Variants in TUBB8B observed in about 807,000 individuals in gnomAD.
TUBB8B encodes the protein tubulin beta 8B.
Under a neutral mutation model 31.9 loss-of-function variants are expected in TUBB8B, and 26 were observed. The observed-to-expected ratio is 0.81, with a 90% CI of 0.60 to 1.13. TUBB8B has a LOEUF of 1.13. TUBB8B is among the 50% of genes most tolerant of loss of function. The pLI, the probability that TUBB8B is intolerant of heterozygous loss-of-function variation, is 0.00. For synonymous variants in TUBB8B, 173 were observed against 231.0 expected, an observed-to-expected ratio of 0.75 and a Z score of 2.28; for missense variants, 467 against 586.7, an observed-to-expected ratio of 0.80 and a Z score of 2.11.
the TUBB8B span, among the ~76,000 whole-genome samples, chr18:63,592 C>A: frequency 2.6e-5 from 4 of 151,686 alleles, no homozygotes; most frequent in African/African-American, 9.7e-5. Flanking sequence ...GACAACTTGG[C>A]TACCATATAA....
upstream of TUBB8B, among the ~76,000 whole-genome samples, chr18:52,225 G>A (rs1183343509): frequency 3.1e-3 from 475 of 151,912 alleles, 5 homozygotes; most frequent in Non-Finnish European, 4.9e-3. Flanking sequence ...GAGGATTGCT[G>A]AGGAAAGTAA....
chr18:59,449 T>C, the TUBB8B span, among the ~76,000 whole-genome samples: 4 of 151,726 alleles, frequency 2.6e-5, no homozygotes, highest in African/African-American at 9.7e-5. Context: ...GTTCATTCCA[T>C]ACCAGTTTTC....
Position 48,996 on chromosome 18 carries a change from T to C in TUBB8B, c.221A>G (p.Asp74Gly), listed in dbSNP as rs767785913. 210 of 1,608,856 alleles carry C rather than the reference T, an allele frequency of 1.3e-4. 3 individuals carry two copies. The highest frequency in any genetic ancestry group is 1.7e-4 in the Non-Finnish European group (206 of 1,178,000). ...CCCGAAGGGCCCCGAGTGCACAGAGTCCATGGTGCCCGGCTCCAGATCCAC... is the reference window on the plus strand; with the variant it reads ...CCCGAAGGGCCCCGAGTGCACAGAGCCCATGGTGCCCGGCTCCAGATCCAC... ...VLVDLEPGTM[D>G]SVHSGPFGQV... The change falls in exon 3 of 4, where the codon GAC (aspartate) becomes GGC (glycine). Residue 74 changes from aspartate to glycine, a missense_variant. Physicochemically the swap from Asp to Gly is moderately conservative, Grantham distance 94. Around this residue, in one of 2 missense-constraint regions of TUBB8B, gnomAD observed 259 missense variants for 380.1 expected, o/e 0.68. Coordinates refer to ENST00000308911, the MANE Select transcript of TUBB8B (RefSeq NM_001358689.2).
chr18:48,821 G>A (rs932290857), intron 3 of TUBB8B, 119 bp downstream of exon 3: 21 of 788,874 alleles, frequency 2.7e-5, no homozygotes, highest in East Asian at 7.8e-5. Flanking sequence ...TCGACTCGGC[G>A]GATAGGAGGG....
upstream of TUBB8B, among the ~76,000 whole-genome samples, chr18:53,032 C>G (rs1409469661): frequency 6.6e-6 from 1 of 151,888 alleles, no homozygotes; most frequent in East Asian, 1.9e-4. Context: ...GACATTTATA[C>G]ATTTTTCAGG....
chr18:57,407 G>A, the TUBB8B span, among the ~76,000 whole-genome samples: 1 of 151,838 alleles, frequency 6.6e-6, no homozygotes, highest in African/African-American at 2.4e-5. Context: ...ATACAAGTCT[G>A]AAGCCCAGAA....
chr18:50,107 C>G, upstream of TUBB8B: 2 of 356,078 alleles, frequency 5.6e-6, no homozygotes, highest in Non-Finnish European at 1.1e-5. Context: ...TCTGATTTAG[C>G]TGGAGTCTTC....
At chr18:72,595 T>G in the TUBB8B span, among the ~76,000 whole-genome samples, 2 of 152,142 alleles carry the variant, frequency 1.3e-5, no homozygotes, top group Non-Finnish European at 2.9e-5. Flanking sequence ...TTGAGTGCAG[T>G]GGCATGACCA....
chr18:70,986 G>A, the TUBB8B span, among the ~76,000 whole-genome samples: 1 of 150,468 alleles, frequency 6.6e-6, no homozygotes, highest in Non-Finnish European at 1.5e-5. Context: ...AGTGGCTCAT[G>A]CCTGTAATCC....
the TUBB8B span, among the ~76,000 whole-genome samples, chr18:63,459 C>T: frequency 6.6e-6 from 1 of 151,428 alleles, no homozygotes; most frequent in Non-Finnish European, 1.5e-5. Flanking sequence ...TCTTTCTGTG[C>T]TAAGCCATGT....
chr18:52,129 G>C (rs1045502836), upstream of TUBB8B, among the ~76,000 whole-genome samples: 2 of 151,878 alleles, frequency 1.3e-5, no homozygotes, highest in Non-Finnish European at 2.9e-5. Flanking sequence ...AAAACCTGTA[G>C]GTGCTGTTCT....
In TUBB8B at chr18:47,335, A is replaced by T; in HGVS notation, c.*55T>A. The T allele has an allele frequency of 1.6e-6, 1 of 634,768 alleles. No homozygotes were observed. Among genetic ancestry groups the T allele is most frequent in the Non-Finnish European group, 2.8e-6 (1 of 362,180 alleles). The allele number at this position is 634,768 out of a possible 1,614,324, so 39.3% of individuals were successfully genotyped here. ...AAGCGTATAGTGACACATGGCTGTC[A>T]GAACACAGTAAAGAATCCACACTGC... On this transcript the variant is annotated 3_prime_UTR_variant, in exon 4 of 4. Coordinates refer to ENST00000308911, the MANE Select transcript of TUBB8B (RefSeq NM_001358689.2).
chr18:62,655 T>C, the TUBB8B span, among the ~76,000 whole-genome samples: 1 of 151,750 alleles, frequency 6.6e-6, no homozygotes, highest in Non-Finnish European at 1.5e-5. Flanking sequence ...TCTCTTGACC[T>C]TGTGATCCAC....
At chr18:71,492 A>G in the TUBB8B span, among the ~76,000 whole-genome samples, 8 of 149,194 alleles carry the variant, frequency 5.4e-5, no homozygotes, top group Admixed American at 4.1e-4. Flanking sequence ...GGTTGCAGCG[A>G]GCGAAGATTG....
chr18:50,776 T>A (rs938147704), upstream of TUBB8B, among the ~76,000 whole-genome samples: 7 of 152,076 alleles, frequency 4.6e-5, no homozygotes, highest in Non-Finnish European at 1.0e-4. Flanking sequence ...GCCCACAAGC[T>A]TCATTGGCCC....
At chr18:63,543 T>A in the TUBB8B span, among the ~76,000 whole-genome samples, 1 of 151,584 alleles carries the variant, frequency 6.6e-6, no homozygotes, top group African/African-American at 2.4e-5. Flanking sequence ...ACACTTGAAG[T>A]AGGCATAGAA....
At chr18:71,027 C>G in the TUBB8B span, among the ~76,000 whole-genome samples, 1,279 of 151,838 alleles carry the variant, frequency 8.4e-3, 6 homozygotes, top group Non-Finnish European at 0.013. Flanking sequence ...GTGTAAGAAT[C>G]ACTTGAGCCC....
Position 48,482 on chromosome 18 carries a change from G to C in TUBB8B, c.278-35C>G, listed in dbSNP as rs754982105. On this transcript the variant is annotated intron_variant, in intron 3 of 3. Transcript: ENST00000308911. ...AGCACAGCCGGTCACTCGACGGCCA[G>C]GTATACGGTCATCAGTGGTCACCAC... 6 of 1,111,960 alleles carry C rather than the reference G, an allele frequency of 5.4e-6. No individual in the cohort carries two copies. In the Admixed American group the frequency reaches 1.1e-4, roughly 20 times the overall value. The allele number at this position is 1,111,960 out of a possible 1,614,324, so 68.9% of individuals were successfully genotyped here.
the TUBB8B span, among the ~76,000 whole-genome samples, chr18:61,438 T>A: frequency 5.9e-5 from 9 of 151,784 alleles, no homozygotes; most frequent in South Asian, 1.2e-3. Context: ...ATTTAGTTCA[T>A]GTACATTCAA....
Sources: gnomAD v4.1 joint callset for allele counts (sites outside exome capture counted in the v4.1 genomes callset) on GRCh38, gnomAD v4.1.1 for gene constraint, gnomAD v4.1.1 regional missense constraint, MANE v1.5 for transcripts, NCBI Gene and HGNC (gene_info 2026-07-23, HGNC 2026-07-21) for gene names.